Variants in SOX5 observed in about 807,000 individuals in gnomAD.
The protein encoded by SOX5 is transcription factor SOX-5.
SOX5 carries 9 observed loss-of-function variants against 92.0 expected under a neutral mutation model. That is an observed-to-expected ratio of 0.10 (90% CI 0.06 to 0.17). The LOEUF (loss-of-function observed/expected upper bound fraction) is 0.17. Ranked by LOEUF, SOX5 falls within the 10% of genes least tolerant of loss-of-function variation. The pLI is 1.00. For synonymous variants in SOX5, 344 were observed against 336.3 expected (o/e 1.02, Z -0.25); for missense variants, 642 against 944.5 (o/e 0.68, Z 4.20).
chr12:24,178,244 CTT>C (rs5797065), intron 4 of SOX5, among the ~76,000 whole-genome samples: 49,004 of 109,388 alleles, frequency 0.45, 9,667 homozygotes, highest in Non-Finnish European at 0.49. Context: ...AAGAGCTTGA[CTT>C]TTTTTTTTTT....
intron 1 of SOX5, among the ~76,000 whole-genome samples, chr12:23,931,518 T>C (rs1941401094): frequency 6.6e-6 from 1 of 151,826 alleles, no homozygotes; most frequent in Non-Finnish European, 1.5e-5. Context: ...ATAAAGTAGT[T>C]AGAACACAGA....
At chr12:24,465,399 G>A (rs1944114405) in intron 1 of SOX5, among the ~76,000 whole-genome samples, 2 of 152,184 alleles carry the variant, frequency 1.3e-5, no homozygotes, top group African/African-American at 2.4e-5. Context: ...TGTATTATAT[G>A]CAATTTAAGA....
At chr12:24,281,897 C>T (rs1261188527) in intron 2 of SOX5, among the ~76,000 whole-genome samples, 1 of 152,126 alleles carries the variant, frequency 6.6e-6, no homozygotes, top group Non-Finnish European at 1.5e-5. Flanking sequence ...AGAAAATATA[C>T]ACATGTTGAA....
At chr12:23,613,335 GA>G (rs11312857) in intron 8 of SOX5, among the ~76,000 whole-genome samples, 68,210 of 144,124 alleles carry the variant, frequency 0.47, 16,458 homozygotes, top group African/African-American at 0.64. Context: ...TATCAAAAGA[GA>G]AAAAAAAAAA....
At chr12:23,958,405 T>A (rs563936491) in intron 4 of SOX5, among the ~76,000 whole-genome samples, 2 of 152,196 alleles carry the variant, frequency 1.3e-5, no homozygotes, top group South Asian at 4.1e-4. Flanking sequence ...CATGGAATTA[T>A]GACCTAGTCC....
At chr12:23,754,749 GA>G in intron 4 of SOX5, among the ~76,000 whole-genome samples, 1 of 151,818 alleles carries the variant, frequency 6.6e-6, no homozygotes, top group East Asian at 1.9e-4. Flanking sequence ...CTGTCATTGG[GA>G]AAACACTTGC....
At chr12:24,486,570 T>A (rs144391084) in intron 1 of SOX5, among the ~76,000 whole-genome samples, 55 of 152,330 alleles carry the variant, frequency 3.6e-4, no homozygotes, top group African/African-American at 1.3e-3. Context: ...GCCTCTCTTC[T>A]CGATCTTTCT....
intron 4 of SOX5, among the ~76,000 whole-genome samples, chr12:24,205,729 T>C (rs556259865): frequency 2.6e-5 from 4 of 152,302 alleles, no homozygotes; most frequent in East Asian, 1.9e-4. Flanking sequence ...GGTTTCCAAA[T>C]AGACTCTTAA....
intron 3 of SOX5, among the ~76,000 whole-genome samples, chr12:23,836,822 A>G (rs73263743): frequency 1.2e-3 from 188 of 152,022 alleles, no homozygotes; most frequent in African/African-American, 4.4e-3. Context: ...GAGGGAAGAA[A>G]AGATTTTTCT....
chr12:23,996,739 T>C (rs1178967579), intron 4 of SOX5, among the ~76,000 whole-genome samples: 1 of 152,212 alleles, frequency 6.6e-6, no homozygotes, highest in Non-Finnish European at 1.5e-5. Context: ...ACCTGTTCTG[T>C]ATGATTCTAT....
chr12:23,958,999 A>T lies in SOX5; in HGVS notation c.-1-62975T>A, dbSNP rs114157594. On this transcript the variant is annotated intron_variant, in intron 4 of 4. Coordinates refer to the SOX5 transcript ENST00000446891. ...CAAAATATCTATGATGAACTCATTC[A>T]CATACAAGACCTATTTAAAGAAAGC... Among the ~76,000 whole-genome samples the T allele has an allele frequency of 1.7e-3, 258 of 152,022 alleles. 1 individual carries two copies. The highest frequency in any genetic ancestry group is 6.0e-3 in the African/African-American group (249 of 41,560).
At chr12:24,214,391 G>A (rs1212306159) in intron 3 of SOX5, among the ~76,000 whole-genome samples, 3 of 151,944 alleles carry the variant, frequency 2.0e-5, no homozygotes, top group Non-Finnish European at 4.4e-5. Flanking sequence ...GGCTTCATAA[G>A]CTTGTCATGA....
chr12:23,646,736 C>G (rs187124148), intron 7 of SOX5, among the ~76,000 whole-genome samples: 83 of 152,322 alleles, frequency 5.4e-4, no homozygotes, highest in African/African-American at 1.7e-3. Context: ...TTTGCTCATT[C>G]ATAAGAAGAA....
At chr12:24,387,966 A>G (rs1317243429) in intron 1 of SOX5, among the ~76,000 whole-genome samples, 1 of 152,180 alleles carries the variant, frequency 6.6e-6, no homozygotes. Flanking sequence ...TCTATTAGCC[A>G]AAGCCCAAAC....
At chr12:23,951,413 GT>G (rs1945612555), upstream of SOX5, among the ~76,000 whole-genome samples, 1 of 151,690 alleles carries the variant, frequency 6.6e-6, no homozygotes, top group Non-Finnish European at 1.5e-5. Flanking sequence ...AACCACAAGG[GT>G]TGACCCCACG....
At position 24,447,531 on chromosome 12, in the gene SOX5, G is replaced by C. The variant is rs188614877; in HGVS notation, c.-250-78892C>G. 3.5e-3 allele frequency among the ~76,000 whole-genome samples: 529 copies of C among 151,842 alleles called. 2 individuals carry two copies. The highest frequency in any genetic ancestry group is 6.0e-3 in the Non-Finnish European group (408 of 67,920). On this transcript the variant is annotated intron_variant, in intron 1 of 4. Transcript: ENST00000446891. ...TCTGGAACAGAAAAATGACACTACG[G>C]AAAAAAAACTAAAGACATCTAAATA...
At chr12:24,141,358 T>A (rs1269316568) in intron 4 of SOX5, among the ~76,000 whole-genome samples, 1 of 152,214 alleles carries the variant, frequency 6.6e-6, no homozygotes, top group East Asian at 1.9e-4. Flanking sequence ...CTACAGATTG[T>A]ATTTAGGTAA....
At position 23,604,556 on chromosome 12, in the gene SOX5, G is replaced by C. The variant is rs183046895; in HGVS notation, c.1018-23C>G. 1.7e-5 allele frequency: 27 copies of C among 1,607,896 alleles called. No individual in the cohort carries two copies. The East Asian group carries it at 6.0e-4, about 36-fold the overall frequency. ...CTGCTACAGAAGAAAAAGAGAGAGA[G>C]GGAGAAAGAATACTGTGAATAATAA... On this transcript the variant is annotated intron_variant, in intron 8 of 14. Transcript: ENST00000451604.
At chr12:23,807,121 T>G (rs1246216309) in intron 3 of SOX5, among the ~76,000 whole-genome samples, 1 of 152,176 alleles carries the variant, frequency 6.6e-6, no homozygotes, top group Non-Finnish European at 1.5e-5. Context: ...ACACCAATAT[T>G]TAATTTTATG....
Sources: allele counts gnomAD v4.1 joint callset (sites outside exome capture counted in the v4.1 genomes callset), GRCh38; gene constraint gnomAD v4.1.1; transcripts MANE v1.5; gene names NCBI Gene and HGNC (gene_info 2026-07-23, HGNC 2026-07-21).